The following SUMF1 variants were observed in gnomAD, a reference collection of about 807,000 sequenced individuals.
SUMF1 encodes the protein formylglycine-generating enzyme.
SUMF1 carries 48 observed loss-of-function variants against 47.6 expected under a neutral mutation model. The ratio of observed to expected loss-of-function variants is 1.01; its 90% CI spans 0.80 to 1.28. The LOEUF is 1.28. Among genes scored for constraint, SUMF1 ranks in the 50% most tolerant of loss-of-function variants. The pLI is 0.00. For synonymous variants in SUMF1, 230 were observed against 192.1 expected, an observed-to-expected ratio of 1.20 and a Z score of -1.63; for missense variants, 571 against 485.4, an observed-to-expected ratio of 1.18 and a Z score of -1.66.
intron 8 of SUMF1, among the ~76,000 whole-genome samples, chr3:4,249,798 C>T (rs554500516): frequency 3.9e-5 from 6 of 152,152 alleles, no homozygotes; most frequent in Non-Finnish European, 5.9e-5. Flanking sequence ...GCCTCTTGTA[C>T]CAGTTACCTA....
chr3:4,281,617 A>G (rs1275094466), intron 8 of SUMF1, among the ~76,000 whole-genome samples: 1 of 152,218 alleles, frequency 6.6e-6, no homozygotes, highest in Non-Finnish European at 1.5e-5. Context: ...TTCAGGGATG[A>G]GAGAAAATAA....
rs1699871999 is a variant in SUMF1 at position 4,364,248 on chromosome 3, T to C, written c.1015-1994A>G. 2.5e-5 allele frequency among the ~76,000 whole-genome samples: 3 copies of C among 119,976 alleles called. No homozygotes were observed. In the South Asian group the frequency reaches 8.8e-4, roughly 35 times the overall value. The allele number at this position is 119,976 out of a possible 152,430, so 78.7% of individuals were successfully genotyped here. A position where few individuals can be genotyped will look rare whatever the true frequency, so the allele number is the denominator to read the frequency against. On this transcript the variant is annotated intron_variant, in intron 8 of 8. Transcript: ENST00000272902. ...ATGATGCTGGCCTCATCAAATGAGT[T>C]AGGGAGGATTCCCTCTTTTTCTATT...
chr3:4,398,589 A>G (rs1370973288), intron 7 of SUMF1, among the ~76,000 whole-genome samples: 1 of 152,210 alleles, frequency 6.6e-6, no homozygotes, highest in Non-Finnish European at 1.5e-5. Flanking sequence ...CAGCTCATTA[A>G]CAAGTCAGAC....
chr3:4,165,258 G>A (rs552678973), intron 8 of SUMF1, among the ~76,000 whole-genome samples: 79 of 152,146 alleles, frequency 5.2e-4, no homozygotes, highest in Middle Eastern at 3.4e-3. Flanking sequence ...TTTGCCCTAG[G>A]TCTACCTTGG....
At chr3:4,418,735 G>A (rs536545516) in intron 4 of SUMF1, among the ~76,000 whole-genome samples, 1 of 152,280 alleles carries the variant, frequency 6.6e-6, no homozygotes, top group Non-Finnish European at 1.5e-5. Context: ...TCTGTTTCCA[G>A]AGAACCCAAC....
chr3:4,164,119 C>T (rs575250393), intron 8 of SUMF1, among the ~76,000 whole-genome samples: 12 of 152,108 alleles, frequency 7.9e-5, no homozygotes, highest in Non-Finnish European at 1.6e-4. Flanking sequence ...TCCCTAATAA[C>T]GGTGTGGGAC....
At chr3:4,173,222 T>C (rs535131267) in intron 8 of SUMF1, among the ~76,000 whole-genome samples, 1 of 152,334 alleles carries the variant, frequency 6.6e-6, no homozygotes, top group African/African-American at 2.4e-5. Flanking sequence ...ATATCTCTTT[T>C]GGTACCAGTA....
chr3:4,348,470 G>A (rs1474127870), intron 8 of SUMF1, among the ~76,000 whole-genome samples: 1 of 152,178 alleles, frequency 6.6e-6, no homozygotes, highest in Non-Finnish European at 1.5e-5. Flanking sequence ...AAACTGGCTA[G>A]CCATATGCAG....
intron 7 of SUMF1, among the ~76,000 whole-genome samples, chr3:4,384,962 T>G (rs1242799927): frequency 6.6e-6 from 1 of 151,952 alleles, no homozygotes; most frequent in African/African-American, 2.4e-5. Context: ...CTTGGGTCAT[T>G]CCAACCTCCA....
intron 8 of SUMF1, among the ~76,000 whole-genome samples, chr3:4,242,073 G>C (rs1048835142): frequency 6.6e-6 from 1 of 152,104 alleles, no homozygotes; most frequent in Admixed American, 6.6e-5. Flanking sequence ...CTTGCCCTCT[G>C]TTTGCCTGTT....
chr3:4,188,134 G>A (rs1445837411), intron 8 of SUMF1, among the ~76,000 whole-genome samples: 1 of 150,880 alleles, frequency 6.6e-6, no homozygotes, highest in African/African-American at 2.4e-5. Context: ...AACCTACACA[G>A]ACACATCATA....
chr3:4,133,518 G>A (rs114384444), intron 8 of SUMF1, among the ~76,000 whole-genome samples: 6 of 152,040 alleles, frequency 3.9e-5, no homozygotes, highest in African/African-American at 1.2e-4. Context: ...TAACATTTGA[G>A]TCAGTGTGCT....
At chr3:4,205,587 G>T (rs148638398) in intron 8 of SUMF1, among the ~76,000 whole-genome samples, 26 of 152,258 alleles carry the variant, frequency 1.7e-4, no homozygotes, top group African/African-American at 6.3e-4. Flanking sequence ...TATTCAAAGG[G>T]CATCGAGTGT....
intron 8 of SUMF1, among the ~76,000 whole-genome samples, chr3:4,139,716 T>C (rs1031315876): frequency 2.6e-5 from 4 of 151,600 alleles, no homozygotes; most frequent in African/African-American, 4.8e-5. Flanking sequence ...GCATAGTAAG[T>C]CTAGCTGCAC....
intron 8 of SUMF1, among the ~76,000 whole-genome samples, chr3:4,211,548 T>C (rs1276813899): frequency 6.6e-6 from 1 of 152,002 alleles, no homozygotes; most frequent in Non-Finnish European, 1.5e-5. Flanking sequence ...TTCATGACCT[T>C]GAGGTAAGGA....
At chr3:4,267,019 G>A (rs1221443664) in intron 8 of SUMF1, among the ~76,000 whole-genome samples, 2 of 150,318 alleles carry the variant, frequency 1.3e-5, no homozygotes, top group African/African-American at 2.4e-5. Context: ...TTATATGCTG[G>A]ATTACATTTA....
intron 8 of SUMF1, among the ~76,000 whole-genome samples, chr3:4,093,998 G>A (rs1245413015): frequency 1.3e-5 from 2 of 152,070 alleles, no homozygotes; most frequent in African/African-American, 4.8e-5. Flanking sequence ...ATTCAAGAAT[G>A]ATACAGTAAG....
At chr3:4,313,246 G>C in intron 8 of SUMF1, 1 of 1,613,924 alleles carries the variant, frequency 6.2e-7, no homozygotes, top group Non-Finnish European at 8.5e-7. Context: ...CTGTGAATAT[G>C]CTGGTGAGGT....
At chr3:4,106,185 A>G (rs1477959606) in intron 8 of SUMF1, among the ~76,000 whole-genome samples, 1 of 152,120 alleles carries the variant, frequency 6.6e-6, no homozygotes, top group African/African-American at 2.4e-5. Context: ...AAAAAACAAA[A>G]TGAGTTTAGA....
Sources: allele counts gnomAD v4.1 joint callset (sites outside exome capture counted in the v4.1 genomes callset), GRCh38; gene constraint gnomAD v4.1.1; transcripts MANE v1.5; gene names NCBI Gene and HGNC (gene_info 2026-07-23, HGNC 2026-07-21).